ULK4: variants seen among roughly 807,000 people sequenced by gnomAD.
ULK4 encodes unc-51 like kinase 4.
Under a neutral mutation model 160.6 loss-of-function variants are expected in ULK4, and 133 were observed. The observed-to-expected ratio is 0.83, with a 90% CI of 0.72 to 0.96. The LOEUF is 0.96. ULK4 is among the 40% of genes least tolerant of loss of function. The pLI is 0.00. For missense variants in ULK4, 1,580 were observed against 1,499.5 expected, an observed-to-expected ratio of 1.05 and a Z score of -0.89; for synonymous variants, 534 against 539.8, an observed-to-expected ratio of 0.99 and a Z score of 0.15.
intron 35 of ULK4, among the ~76,000 whole-genome samples, chr3:41,336,667 T>C (rs919796403): frequency 2.6e-5 from 4 of 152,214 alleles, no homozygotes; most frequent in Admixed American, 6.5e-5. Flanking sequence ...CCGTGGTGTG[T>C]GTCTTTGGCC....
At chr3:41,856,525 A>ATATGTATG (rs2042343425) in intron 17 of ULK4, among the ~76,000 whole-genome samples, 2 of 129,048 alleles carry the variant, frequency 1.5e-5, no homozygotes, top group Non-Finnish European at 3.2e-5. Flanking sequence ...ATATATATAT[A>ATATGTATG]TATATATGTA....
In ULK4 at chr3:41,306,241, G is replaced by A. The variant is rs1396373445; in HGVS notation, c.3679-56667C>T. Among the ~76,000 whole-genome samples the A allele has an allele frequency of 1.2e-4, 11 of 94,992 alleles. No homozygotes were observed. In the East Asian group the frequency reaches 1.7e-3, roughly 15 times the overall value. 62.3% of individuals were successfully genotyped at this position (94,992 alleles called of 152,430 possible). On this transcript the variant is annotated intron_variant, in intron 35 of 36. Coordinates refer to ENST00000301831, the MANE Select transcript of ULK4 (RefSeq NM_017886.4). ...AGGTGGGGGCGTCAGCCCCCCGCCC[G>A]GCCAGCCGCCCCGTCCGGGAGGTGA...
At chr3:41,706,569 T>C (rs938520327) in intron 25 of ULK4, among the ~76,000 whole-genome samples, 20 of 151,350 alleles carry the variant, frequency 1.3e-4, no homozygotes, top group African/African-American at 4.1e-4. Context: ...GGCTCACACC[T>C]GTAATCCCAG....
intron 30 of ULK4, among the ~76,000 whole-genome samples, chr3:41,617,584 T>TC (rs375061367): frequency 7.2e-5 from 11 of 151,802 alleles, no homozygotes; most frequent in African/African-American, 2.7e-4. Flanking sequence ...AACATCAACA[T>TC]AAAAAACCCC....
At chr3:41,413,121 G>A (rs1178020573) in intron 34 of ULK4, among the ~76,000 whole-genome samples, 1 of 152,134 alleles carries the variant, frequency 6.6e-6, no homozygotes, top group Non-Finnish European at 1.5e-5. Context: ...CAGCAGACAA[G>A]AGAAGAATGA....
rs528019150 is a variant in ULK4 at position 41,584,641 on chromosome 3, A to G, written c.3121-18511T>C. On this transcript the variant is annotated intron_variant, in intron 31 of 36. Coordinates refer to ENST00000301831, the MANE Select transcript of ULK4 (RefSeq NM_017886.4). ...AATAACACAGCAACAACTTTCATAA[A>G]CAAGAGATGTGGGAAGAAATTTGCA... Among the ~76,000 whole-genome samples, 7 of 152,300 alleles carry G rather than the reference A, an allele frequency of 4.6e-5. No individual in the cohort carries two copies. The South Asian group carries it at 1.0e-3, about 23-fold the overall frequency.
intron 31 of ULK4, among the ~76,000 whole-genome samples, chr3:41,566,335 C>A (rs747570611): frequency 1.3e-5 from 2 of 152,178 alleles, no homozygotes; most frequent in Non-Finnish European, 2.9e-5. Flanking sequence ...GTAAATCACC[C>A]AGACACCAGT....
Position 41,541,907 on chromosome 3 carries a change from T to G in ULK4, c.3226+24118A>C, listed in dbSNP as rs548723735. On this transcript the variant is annotated intron_variant, in intron 32 of 36. Transcript: ENST00000301831. ...TGCTGAAGTTGCTTATCAGCTTAACTAGACTTTGGGCTGAGATTATAGGTT... is the reference window on the plus strand; with the variant it reads ...TGCTGAAGTTGCTTATCAGCTTAACGAGACTTTGGGCTGAGATTATAGGTT... 1.0e-3 allele frequency among the ~76,000 whole-genome samples: 154 copies of G among 152,308 alleles called. 2 individuals carry two copies. Among genetic ancestry groups the G allele is most frequent in the African/African-American group, 3.6e-3 (148 of 41,578 alleles).
At chr3:41,650,779 A>C (rs2034709063) in intron 30 of ULK4, among the ~76,000 whole-genome samples, 1 of 152,088 alleles carries the variant, frequency 6.6e-6, no homozygotes, top group African/African-American at 2.4e-5. Flanking sequence ...CAAAAGCAAC[A>C]CCCTAAGGAT....
At chr3:41,576,582 A>T (rs953573055) in intron 31 of ULK4, among the ~76,000 whole-genome samples, 2 of 152,260 alleles carry the variant, frequency 1.3e-5, no homozygotes, top group Admixed American at 1.3e-4. Flanking sequence ...GTCAGTGACT[A>T]GAAACTGCCT....
At chr3:41,621,966 C>T (rs2033263150) in intron 30 of ULK4, among the ~76,000 whole-genome samples, 1 of 152,172 alleles carries the variant, frequency 6.6e-6, no homozygotes, top group African/African-American at 2.4e-5. Flanking sequence ...TGAACAGACA[C>T]TTCTCAAAAG....
chr3:41,422,756 G>C (rs929255858), intron 34 of ULK4, among the ~76,000 whole-genome samples: 3 of 152,088 alleles, frequency 2.0e-5, no homozygotes, highest in Admixed American at 6.5e-5. Context: ...TAAACTGTTA[G>C]AATCTTTTGA....
At chr3:41,671,592 A>C (rs756682572) in intron 29 of ULK4, among the ~76,000 whole-genome samples, 8 of 152,106 alleles carry the variant, frequency 5.3e-5, no homozygotes, top group Non-Finnish European at 1.0e-4. Flanking sequence ...CACAATAAAG[A>C]CATAAGACCT....
intron 30 of ULK4, among the ~76,000 whole-genome samples, chr3:41,644,404 G>C (rs1381497989): frequency 3.6e-4 from 55 of 151,950 alleles, no homozygotes; most frequent in African/African-American, 7.0e-4. Context: ...TAGCATGAAG[G>C]GTTGTTGAAT....
At chr3:41,543,496 A>G (rs551076032) in intron 32 of ULK4, among the ~76,000 whole-genome samples, 42 of 152,274 alleles carry the variant, frequency 2.8e-4, no homozygotes, top group African/African-American at 1.0e-3. Context: ...GTAGTACCTG[A>G]TCTCCAAATA....
intron 33 of ULK4, among the ~76,000 whole-genome samples, chr3:41,459,082 C>T (rs894427127): frequency 6.6e-6 from 1 of 151,900 alleles, no homozygotes; most frequent in Non-Finnish European, 1.5e-5. Context: ...GATGGAGTCT[C>T]GCTCTGTCAC....
intron 31 of ULK4, among the ~76,000 whole-genome samples, chr3:41,599,624 G>C (rs915516948): frequency 2.0e-4 from 29 of 148,188 alleles, no homozygotes; most frequent in African/African-American, 7.2e-4. Flanking sequence ...GAGTTCAGTG[G>C]CGCGATCTCG....
chr3:41,482,601 C>CA (rs1223655571), intron 32 of ULK4, among the ~76,000 whole-genome samples: 1 of 152,186 alleles, frequency 6.6e-6, no homozygotes, highest in Non-Finnish European at 1.5e-5. Context: ...TCCTAAGCAA[C>CA]AAAATGACTG....
At chr3:41,715,002 A>G (rs1252972664) in intron 25 of ULK4, among the ~76,000 whole-genome samples, 3 of 152,178 alleles carry the variant, frequency 2.0e-5, no homozygotes, top group African/African-American at 7.2e-5. Context: ...TTCTGTGGAC[A>G]TATTTACCCT....
Sources: allele counts gnomAD v4.1 joint callset (sites outside exome capture counted in the v4.1 genomes callset), GRCh38; gene constraint gnomAD v4.1.1; transcripts MANE v1.5; gene names NCBI Gene and HGNC (gene_info 2026-07-23, HGNC 2026-07-21).